The following NRXN3 variants were observed in gnomAD, a reference collection of about 807,000 sequenced individuals.
NRXN3 encodes neurexin III.
A neutral mutation model predicts 137.6 loss-of-function variants in NRXN3; 32 were observed. The observed-to-expected ratio is 0.23, with a 90% CI of 0.18 to 0.31. The LOEUF (loss-of-function observed/expected upper bound fraction) is 0.31, where lower values mean the gene tolerates loss of function less well. Ranked by LOEUF, NRXN3 falls within the 10% of genes least tolerant of loss-of-function variation. The pLI is 1.00. For missense variants in NRXN3, 1,574 were observed against 2,062.5 expected (o/e 0.76, Z 4.59); for synonymous variants, 798 against 784.5 (o/e 1.02, Z -0.29).
rs182997253 is a variant in NRXN3, at chr14:78,600,217, C to T, written c.758-44903C>T. On this transcript the variant is annotated intron_variant, in intron 4 of 20. Transcript: ENST00000335750. Reference sequence around the variant, plus strand: ...CTACTCTTGACCCAGCTTTTTCACTCCCAATTTGGTTGTTATACAGCACCA... The same window carrying T: ...CTACTCTTGACCCAGCTTTTTCACTTCCAATTTGGTTGTTATACAGCACCA... Among the ~76,000 whole-genome samples, 1,017 of 152,294 alleles carry T rather than the reference C, an allele frequency of 6.7e-3. 8 individuals are homozygous for T. The highest frequency in any genetic ancestry group is 9.3e-3 in the Non-Finnish European group (635 of 68,016).
rs143724670 is a variant in NRXN3 at position 79,185,036 on chromosome 14, T to C, written c.3262+196895T>C. ...TTTTACAGAGATGCACCTAACACAG[T>C]TGACATGTTGTCTATTAAAAGTTAC... On this transcript the variant is annotated intron_variant, in intron 15 of 20. Coordinates refer to ENST00000335750, the MANE Select transcript of NRXN3 (RefSeq NM_001330195.2). 2.6e-5 allele frequency among the ~76,000 whole-genome samples: 4 copies of C among 152,376 alleles called. No homozygotes were observed. The East Asian group carries it at 7.7e-4, about 29-fold the overall frequency.
chr14:79,332,983 A>G (rs919557757), intron 15 of NRXN3, among the ~76,000 whole-genome samples: 1 of 151,952 alleles, frequency 6.6e-6, no homozygotes, highest in Admixed American at 6.6e-5. Context: ...ATCCTTACCA[A>G]CCATCTTTCT....
At chr14:79,632,109 A>G (rs2098358534) in intron 16 of NRXN3, among the ~76,000 whole-genome samples, 1 of 152,110 alleles carries the variant, frequency 6.6e-6, no homozygotes, top group African/African-American at 2.4e-5. Flanking sequence ...ACTCACTCTT[A>G]GGGTCTGTGC....
At chr14:78,463,029 T>C (rs2094971784) in intron 4 of NRXN3, among the ~76,000 whole-genome samples, 1 of 152,162 alleles carries the variant, frequency 6.6e-6, no homozygotes, top group Non-Finnish European at 1.5e-5. Flanking sequence ...GTCTCTAATG[T>C]CTTTATTCTA....
intron 15 of NRXN3, among the ~76,000 whole-genome samples, chr14:79,204,063 G>C (rs1157420716): frequency 6.6e-6 from 1 of 152,164 alleles, no homozygotes; most frequent in South Asian, 2.1e-4. Context: ...GTGCCAGCCA[G>C]TGCCAACATC....
chr14:78,264,029 G>A lies in NRXN3; in HGVS notation c.710-14616G>A, dbSNP rs561728683. On this transcript the variant is annotated intron_variant, in intron 2 of 20. Transcript: ENST00000335750. ...CAGTCCCTTTCCTAATAGTTTCTCA[G>A]GAATGTGTCCAAAACATATTCATGA... 2.0e-5 allele frequency among the ~76,000 whole-genome samples: 3 copies of A among 151,916 alleles called. No individual in the cohort carries two copies. The South Asian group carries it at 6.2e-4, about 32-fold the overall frequency.
rs11456993 is a variant in NRXN3, at chr14:78,615,444, CA to C, written c.758-29659del. Among the ~76,000 whole-genome samples the C allele has an allele frequency of 7.1e-3, 860 of 120,848 alleles. 3 individuals are homozygous for C. Among genetic ancestry groups the C allele is most frequent in the African/African-American group, 0.011 (373 of 34,190 alleles). The allele number at this position is 120,848 out of a possible 152,430, so 79.3% of individuals were successfully genotyped here. A position where few individuals can be genotyped will look rare whatever the true frequency, so the allele number is the denominator to read the frequency against. On this transcript the variant is annotated intron_variant, in intron 4 of 20. Coordinates refer to ENST00000335750, the MANE Select transcript of NRXN3 (RefSeq NM_001330195.2). Reference sequence around the variant, plus strand: ...TGAAACCCCATCTCTACTGAAAATACAAAAAAAAAAAAAAAAATTAGTCTGT... The same window carrying C: ...TGAAACCCCATCTCTACTGAAAATACAAAAAAAAAAAAAAAATTAGTCTGT...
chr14:78,360,468 G>A (rs1401202562), intron 4 of NRXN3, among the ~76,000 whole-genome samples: 2 of 152,158 alleles, frequency 1.3e-5, no homozygotes, highest in Non-Finnish European at 2.9e-5. Context: ...CTGATAGGTG[G>A]TTAAGAGTAA....
At chr14:79,569,834 C>G (rs113557226) in intron 16 of NRXN3, among the ~76,000 whole-genome samples, 9 of 152,230 alleles carry the variant, frequency 5.9e-5, no homozygotes, top group African/African-American at 2.2e-4. Flanking sequence ...GTCTTGAACT[C>G]TTGAGCTCAA....
chr14:79,123,187 A>G (rs912885933), intron 15 of NRXN3, among the ~76,000 whole-genome samples: 1 of 152,034 alleles, frequency 6.6e-6, no homozygotes, highest in Non-Finnish European at 1.5e-5. Flanking sequence ...ATGGAGCTAC[A>G]ATGAAATGAT....
At chr14:79,599,937 G>A (rs1047867395) in intron 16 of NRXN3, among the ~76,000 whole-genome samples, 2 of 152,254 alleles carry the variant, frequency 1.3e-5, no homozygotes, top group Non-Finnish European at 2.9e-5. Flanking sequence ...GGAGGTTGCA[G>A]TGAGCTGAGA....
chr14:78,318,054 C>A (rs911372186), intron 4 of NRXN3, among the ~76,000 whole-genome samples: 3 of 152,142 alleles, frequency 2.0e-5, no homozygotes, highest in Non-Finnish European at 4.4e-5. Flanking sequence ...CCAAACCCAA[C>A]TAGGTTCTTA....
At chr14:79,759,897 C>A (rs1376280845) in intron 19 of NRXN3, among the ~76,000 whole-genome samples, 1 of 151,572 alleles carries the variant, frequency 6.6e-6, no homozygotes, top group East Asian at 1.9e-4. Flanking sequence ...CGTGGGAAGA[C>A]AAGATCTGTC....
At chr14:79,645,332 T>A (rs1210098510) in intron 16 of NRXN3, among the ~76,000 whole-genome samples, 1 of 135,330 alleles carries the variant, frequency 7.4e-6, no homozygotes, top group Non-Finnish European at 1.7e-5. Flanking sequence ...ACAAGGATTA[T>A]TTAAAAGTTA....
chr14:79,785,366 C>T (rs2099126363), intron 19 of NRXN3, among the ~76,000 whole-genome samples: 1 of 152,160 alleles, frequency 6.6e-6, no homozygotes, highest in Non-Finnish European at 1.5e-5. Flanking sequence ...CATTCTACCA[C>T]CTGATGACTT....
At chr14:78,617,844 T>A (rs2097361547) in intron 4 of NRXN3, among the ~76,000 whole-genome samples, 1 of 151,566 alleles carries the variant, frequency 6.6e-6, no homozygotes. Flanking sequence ...TATATCTGTC[T>A]ATCTATCATC....
chr14:79,716,737 T>C (rs941589305), intron 19 of NRXN3, among the ~76,000 whole-genome samples: 1 of 152,172 alleles, frequency 6.6e-6, no homozygotes, highest in African/African-American at 2.4e-5. Context: ...GTAATCCTTT[T>C]CTTGAGTTCT....
chr14:79,542,482 G>C (rs183230528), intron 16 of NRXN3, among the ~76,000 whole-genome samples: 2 of 152,106 alleles, frequency 1.3e-5, no homozygotes, highest in African/African-American at 4.8e-5. Flanking sequence ...ATGTTGGGCC[G>C]TATCTATTTT....
At chr14:79,813,775 A>G (rs1191134055) in intron 20 of NRXN3, among the ~76,000 whole-genome samples, 1 of 152,166 alleles carries the variant, frequency 6.6e-6, no homozygotes, top group Non-Finnish European at 1.5e-5. Context: ...ATCTGCATGG[A>G]CCACTTGCCT....
Sources: allele counts gnomAD v4.1 joint callset (sites outside exome capture counted in the v4.1 genomes callset), GRCh38; gene constraint gnomAD v4.1.1; transcripts MANE v1.5; gene names NCBI Gene and HGNC (gene_info 2026-07-23, HGNC 2026-07-21).